TLL1: variants seen among roughly 807,000 people sequenced by gnomAD.
TLL1 encodes tolloid-like protein 1.
In TLL1, 49 loss-of-function variants were observed where a neutral mutation model predicts 128.2. That is an observed-to-expected ratio of 0.38 (90% CI 0.30 to 0.48). The LOEUF is 0.48. TLL1 is among the 20% of genes least tolerant of loss of function. The pLI is 0.96. For synonymous variants in TLL1, 454 were observed against 418.8 expected, an observed-to-expected ratio of 1.08 and a Z score of -1.03; for missense variants, 1,123 against 1,242.0, an observed-to-expected ratio of 0.90 and a Z score of 1.44.
At chr4:165,957,305 A>C (rs1232460338) in intron 1 of TLL1, among the ~76,000 whole-genome samples, 4 of 152,120 alleles carry the variant, frequency 2.6e-5, no homozygotes, top group Admixed American at 6.6e-5. Context: ...AGACTTTACT[A>C]TCCTAAATAT....
At chr4:166,025,532 T>C in intron 9 of TLL1, 101 bp downstream of exon 9, 2 of 956,960 alleles carry the variant, frequency 2.1e-6, no homozygotes, top group Non-Finnish European at 3.3e-6. Flanking sequence ...CTTGTTTGAG[T>C]TTTCAAATGG....
intron 1 of TLL1, among the ~76,000 whole-genome samples, chr4:165,885,447 A>T (rs547363641): frequency 6.6e-6 from 1 of 151,860 alleles, no homozygotes. Context: ...CAGGTTTCTG[A>T]CAGTTTTGTT....
intron 18 of TLL1, among the ~76,000 whole-genome samples, chr4:166,086,085 T>C (rs1424423444): frequency 6.6e-6 from 1 of 152,128 alleles, no homozygotes; most frequent in Non-Finnish European, 1.5e-5. Context: ...CAGTTATAGA[T>C]AATAGGAATT....
chr4:166,076,216 G>A (rs552050580), intron 17 of TLL1, among the ~76,000 whole-genome samples: 31 of 152,198 alleles, frequency 2.0e-4, no homozygotes, highest in African/African-American at 6.5e-4. Flanking sequence ...GGGACTACAG[G>A]TGCACACCAC....
At chr4:166,029,382 TTGA>T (rs1013948305) in intron 9 of TLL1, among the ~76,000 whole-genome samples, 3 of 152,070 alleles carry the variant, frequency 2.0e-5, no homozygotes, top group Non-Finnish European at 4.4e-5. Context: ...TGCATATTTG[TTGA>T]TACCTTTTTT....
rs1451381237 is a variant in TLL1, at chr4:165,992,897, T to C, written c.361+13T>C. The stretch of plus-strand genomic sequence containing the variant: ...AGAATTGGCTTTGGTATATCAATGT[T>C]TAAAGTTGCAGACGCTTGACTTGAT... On this transcript the variant is annotated intron_variant, in intron 3 of 20. Coordinates refer to ENST00000061240, the MANE Select transcript of TLL1 (RefSeq NM_012464.5). 1 of 1,608,152 alleles carries C rather than the reference T, an allele frequency of 6.2e-7. No homozygotes were observed.
intron 1 of TLL1, among the ~76,000 whole-genome samples, chr4:165,942,170 T>C (rs2110924604): frequency 6.6e-6 from 1 of 152,208 alleles, no homozygotes; most frequent in South Asian, 2.1e-4. Flanking sequence ...ACAAACATTA[T>C]GCTCCCAACA....
At chr4:166,088,884 G>A (rs1741639911) in intron 18 of TLL1, among the ~76,000 whole-genome samples, 1 of 152,042 alleles carries the variant, frequency 6.6e-6, no homozygotes. Context: ...GTTTCATTAG[G>A]AAGAAAAATA....
intron 19 of TLL1, among the ~76,000 whole-genome samples, chr4:166,096,420 G>A (rs1472721143): frequency 6.6e-6 from 1 of 151,984 alleles, no homozygotes; most frequent in Non-Finnish European, 1.5e-5. Context: ...TTTTCTAGAA[G>A]TGTTTAATAA....
At chr4:165,897,888 G>T (rs1217620898) in intron 1 of TLL1, among the ~76,000 whole-genome samples, 2 of 151,894 alleles carry the variant, frequency 1.3e-5, no homozygotes, top group East Asian at 1.9e-4. Context: ...ATTTGATTGT[G>T]TCCTCTTTTA....
At chr4:165,925,256 AC>A (rs1179938331) in intron 1 of TLL1, among the ~76,000 whole-genome samples, 1 of 152,198 alleles carries the variant, frequency 6.6e-6, no homozygotes, top group Non-Finnish European at 1.5e-5. Context: ...TAAATCGTAA[AC>A]CTTCTGAAAA....
intron 1 of TLL1, among the ~76,000 whole-genome samples, chr4:165,953,627 CATATAT>C (rs55874624): frequency 0.7 from 102,899 of 146,508 alleles, 36,338 homozygotes; most frequent in Admixed American, 0.77. Context: ...TTTGCTCTGT[CATATAT>C]ATATATATAT....
intron 1 of TLL1, among the ~76,000 whole-genome samples, chr4:165,954,655 C>A (rs1734691274): frequency 6.6e-6 from 1 of 152,020 alleles, no homozygotes; most frequent in African/African-American, 2.4e-5. Flanking sequence ...GCATATGAAA[C>A]CCAAGTCAGG....
At chr4:165,928,807 C>T (rs1251718922) in intron 1 of TLL1, among the ~76,000 whole-genome samples, 1 of 152,168 alleles carries the variant, frequency 6.6e-6, no homozygotes, top group Admixed American at 6.5e-5. Context: ...TCCTACTTTG[C>T]TTGTCTTAAC....
rs574816256 is a variant in TLL1 at position 165,962,039 on chromosome 4, T to TA, written c.170-27334dup. 5.2e-3 allele frequency among the ~76,000 whole-genome samples: 790 copies of TA among 151,916 alleles called. 11 individuals are homozygous for TA. Among genetic ancestry groups the TA allele is most frequent in the African/African-American group, 0.018 (733 of 41,504 alleles). On this transcript the variant is annotated intron_variant, in intron 1 of 20. Transcript: ENST00000061240. ...TGGCAAAAAATTTATGGCTATGTTCTAAAAAAAATTGCAATAGAAACAAAA... is the reference window on the plus strand; with the variant it reads ...TGGCAAAAAATTTATGGCTATGTTCTAAAAAAAAATTGCAATAGAAACAAAA...
At chr4:166,002,683 A>T (rs1194780102) in intron 5 of TLL1, among the ~76,000 whole-genome samples, 2 of 152,096 alleles carry the variant, frequency 1.3e-5, no homozygotes, top group Admixed American at 6.6e-5. Context: ...GACCTCAAAC[A>T]GTCCTCCCAG....
chr4:165,976,034 CA>C (rs1169297533), intron 1 of TLL1, among the ~76,000 whole-genome samples: 1,697 of 71,928 alleles, frequency 0.024, 10 homozygotes, highest in African/African-American at 0.061. Context: ...GATTCCATCT[CA>C]AAAAAAAAAA....
At chr4:166,045,565 T>G (rs1414468077) in intron 12 of TLL1, among the ~76,000 whole-genome samples, 1 of 152,132 alleles carries the variant, frequency 6.6e-6, no homozygotes, top group East Asian at 1.9e-4. Flanking sequence ...TATCCCGTTC[T>G]TCACCTCAAA....
intron 16 of TLL1, among the ~76,000 whole-genome samples, chr4:166,070,212 G>T (rs140224233): frequency 1.3e-5 from 2 of 151,858 alleles, no homozygotes; most frequent in African/African-American, 4.8e-5. Context: ...GTCTGCATAG[G>T]TATACATGAT....
Sources: gnomAD v4.1 joint callset for allele counts (sites outside exome capture counted in the v4.1 genomes callset) on GRCh38, gnomAD v4.1.1 for gene constraint, MANE v1.5 for transcripts, NCBI Gene and HGNC (gene_info 2026-07-23, HGNC 2026-07-21) for gene names.